Variants in DOCK7 observed in about 807,000 individuals in gnomAD.
DOCK7 encodes dedicator of cytokinesis 7.
Under a neutral mutation model 271.0 loss-of-function variants are expected in DOCK7, and 138 were observed. The ratio of observed to expected loss-of-function variants is 0.51; its 90% confidence interval spans 0.44 to 0.59. The LOEUF (loss-of-function observed/expected upper bound fraction) is 0.59, where lower values mean the gene tolerates loss of function less well. Among genes scored for constraint, DOCK7 ranks in the 20% least tolerant of loss-of-function variants. The pLI is 0.00. For synonymous variants in DOCK7, 823 were observed against 876.1 expected (o/e 0.94, Z 1.07); for missense variants, 2,066 against 2,592.4 (o/e 0.80, Z 4.41).
chr1:62,638,836 T>G (rs139033383), intron 7 of DOCK7, among the ~76,000 whole-genome samples: 1 of 151,748 alleles, frequency 6.6e-6, no homozygotes, highest in Non-Finnish European at 1.5e-5. Flanking sequence ...ATTGAAAGGA[T>G]TACCCTTTCC....
chr1:62,548,690 G>T (rs1645794124), intron 22 of DOCK7, among the ~76,000 whole-genome samples: 2 of 152,118 alleles, frequency 1.3e-5, no homozygotes, highest in African/African-American at 2.4e-5. Flanking sequence ...CAAACTGCTG[G>T]GATTATGGGC....
intron 31 of DOCK7, among the ~76,000 whole-genome samples, chr1:62,518,287 A>G (rs145885818): frequency 2.4e-3 from 360 of 152,168 alleles, no homozygotes; most frequent in African/African-American, 8.2e-3. Flanking sequence ...ATACAAAAAA[A>G]TTGGTCCGGC....
intron 37 of DOCK7, among the ~76,000 whole-genome samples, chr1:62,502,249 C>T (rs1297053746): frequency 6.6e-6 from 1 of 152,092 alleles, no homozygotes; most frequent in East Asian, 1.9e-4. Flanking sequence ...GCCCAAGTCA[C>T]ACACGAATGC....
intron 4 of DOCK7, among the ~76,000 whole-genome samples, chr1:62,652,494 ACT>A (rs1657509089): frequency 6.6e-6 from 1 of 151,942 alleles, no homozygotes. Flanking sequence ...TTACCTAACT[ACT>A]CTGAGCCTGA....
At chr1:62,560,525 T>A (rs1048188100) in intron 19 of DOCK7, among the ~76,000 whole-genome samples, 5 of 152,138 alleles carry the variant, frequency 3.3e-5, no homozygotes, top group Admixed American at 1.3e-4. Flanking sequence ...ATTTCTCTCA[T>A]GTTCTCTATT....
At chr1:62,629,792 A>G (rs562972160) in intron 11 of DOCK7, 1 of 152,348 alleles carries the variant, frequency 6.6e-6, no homozygotes. Flanking sequence ...ACCACATGCT[A>G]ATCAATATAA....
chr1:62,492,047 C>T (rs1646481930), intron 41 of DOCK7, among the ~76,000 whole-genome samples: 2 of 151,910 alleles, frequency 1.3e-5, no homozygotes, highest in Non-Finnish European at 1.5e-5. Flanking sequence ...CCCATCCCTA[C>T]AAAAAATACA....
intron 2 of DOCK7, among the ~76,000 whole-genome samples, chr1:62,657,019 T>C (rs922045192): frequency 2.6e-5 from 4 of 152,162 alleles, no homozygotes; most frequent in African/African-American, 7.2e-5. Flanking sequence ...CGAGCAATAA[T>C]GAATCTCTTA....
At chr1:62,521,630 A>G (rs577319527) in intron 31 of DOCK7, among the ~76,000 whole-genome samples, 3 of 152,352 alleles carry the variant, frequency 2.0e-5, no homozygotes, top group South Asian at 2.1e-4. Flanking sequence ...GAATAACTTT[A>G]TAAGTCAAGA....
At chr1:62,515,159 C>T (rs1028235060) in intron 31 of DOCK7, among the ~76,000 whole-genome samples, 33 of 150,798 alleles carry the variant, frequency 2.2e-4, no homozygotes, top group African/African-American at 5.6e-4. Flanking sequence ...AAAAACCTGA[C>T]CACCAGAAGT....
chr1:62,510,859 T>A (rs915412624), intron 33 of DOCK7, 186 bp from the exon 34 acceptor site: 8 of 501,406 alleles, frequency 1.6e-5, no homozygotes, highest in Non-Finnish European at 2.5e-5. Flanking sequence ...TCAGAAGAAA[T>A]GTACTTGCTA....
chr1:62,639,556 T>C (rs188058319), intron 7 of DOCK7, among the ~76,000 whole-genome samples: 1 of 146,268 alleles, frequency 6.8e-6, no homozygotes, highest in Non-Finnish European at 1.5e-5. Flanking sequence ...TGCCTCAGCC[T>C]CCCGAGTAGC....
At chr1:62,569,758 G>C (rs868004361) in intron 18 of DOCK7, among the ~76,000 whole-genome samples, 13 of 117,990 alleles carry the variant, frequency 1.1e-4, no homozygotes, top group Non-Finnish European at 1.3e-4. Context: ...CTGTCACTCA[G>C]GCTAGAGTGC....
intron 4 of DOCK7, among the ~76,000 whole-genome samples, chr1:62,652,246 C>T (rs186668411): frequency 6.6e-6 from 1 of 152,122 alleles, no homozygotes; most frequent in African/African-American, 2.4e-5. Flanking sequence ...TGTATCTTCT[C>T]CTTAGATTAT....
chr1:62,492,935 A>C (rs996999940), intron 40 of DOCK7, 88 bp from the exon 41 acceptor site: 2 of 1,108,556 alleles, frequency 1.8e-6, no homozygotes, highest in Non-Finnish European at 2.6e-6. Flanking sequence ...GATGAACTGT[A>C]ACTATCAGGT....
At chr1:62,502,996 C>G (rs1281198740) in intron 37 of DOCK7, among the ~76,000 whole-genome samples, 1 of 152,012 alleles carries the variant, frequency 6.6e-6, no homozygotes, top group Non-Finnish European at 1.5e-5. Context: ...AGGTCAAAAT[C>G]TTAATACCAT....
rs144125697 is a variant in DOCK7 at position 62,598,779 on chromosome 1, T to C, written c.1683-12155A>G. 120 of 1,605,648 alleles carry C rather than the reference T, an allele frequency of 7.5e-5. No individual in the cohort carries two copies. Among genetic ancestry groups the C allele is most frequent in the Non-Finnish European group, 9.0e-5 (105 of 1,173,014 alleles). ...AATATAAACAATTAAACCAACAGCA[T>C]AGTCAAATAAAAGAAATAGAAAATC... On this transcript the variant is annotated intron_variant, in intron 14 of 49. Transcript: ENST00000635253.
intron 13 of DOCK7, 114 bp from the exon 14 acceptor site, chr1:62,618,982 G>A: frequency 1.1e-6 from 1 of 894,980 alleles, no homozygotes; most frequent in Non-Finnish European, 1.7e-6. Context: ...GAATATTACA[G>A]AAACCAAATT....
At chr1:62,637,573 G>A (rs1382216612) in intron 7 of DOCK7, among the ~76,000 whole-genome samples, 1 of 152,174 alleles carries the variant, frequency 6.6e-6, no homozygotes, top group African/African-American at 2.4e-5. Context: ...AGACAAAAAA[G>A]TCAATAGTGC....
Sources: allele counts gnomAD v4.1 joint callset (sites outside exome capture counted in the v4.1 genomes callset), GRCh38; gene constraint gnomAD v4.1.1; transcripts MANE v1.5; gene names NCBI Gene and HGNC (gene_info 2026-07-23, HGNC 2026-07-21).